The following PDE1C variants were observed in gnomAD, a reference collection of about 807,000 sequenced individuals.
PDE1C encodes the protein dual specificity calcium/calmodulin-dependent 3',5'-cyclic nucleotide phosphodiesterase 1C.
Under a neutral mutation model 93.1 loss-of-function variants are expected in PDE1C, and 62 were observed. That is an observed-to-expected ratio of 0.67 (90% CI 0.54 to 0.82). The LOEUF is 0.82. Among genes scored for constraint, PDE1C ranks in the 40% least tolerant of loss-of-function variants. The probability of loss-of-function intolerance (pLI) is 0.00; values close to 1 mark genes in which losing one functional copy is unlikely to be tolerated. For synonymous variants in PDE1C, 325 were observed against 310.1 expected (o/e 1.05, Z -0.50); for missense variants, 742 against 884.6 (o/e 0.84, Z 2.04).
intron 3 of PDE1C, among the ~76,000 whole-genome samples, chr7:32,162,283 T>TAGAC (rs1362259140): frequency 3.3e-5 from 5 of 151,994 alleles, no homozygotes; most frequent in Non-Finnish European, 7.4e-5. Flanking sequence ...AAATTAAATA[T>TAGAC]AGACAGACTG....
chr7:32,423,940 C>CAGAGGAAT (rs1368159857), intron 1 of PDE1C, among the ~76,000 whole-genome samples: 1 of 152,204 alleles, frequency 6.6e-6, no homozygotes, highest in Non-Finnish European at 1.5e-5. Flanking sequence ...TCTCTGCAAC[C>CAGAGGAAT]AGAGGAATTT....
intron 1 of PDE1C, among the ~76,000 whole-genome samples, chr7:32,052,686 G>C (rs1235149685): frequency 6.6e-6 from 1 of 152,136 alleles, no homozygotes; most frequent in East Asian, 1.9e-4. Context: ...AAACTAAAGA[G>C]GTTTCAAATT....
At chr7:32,062,056 T>C (rs920529336) in intron 1 of PDE1C, among the ~76,000 whole-genome samples, 1 of 151,998 alleles carries the variant, frequency 6.6e-6, no homozygotes, top group African/African-American at 2.4e-5. Context: ...TCCCCATATC[T>C]CCCCTCATAG....
chr7:32,302,531 T>C (rs1812904675), upstream of PDE1C, among the ~76,000 whole-genome samples: 1 of 152,116 alleles, frequency 6.6e-6, no homozygotes, highest in Admixed American at 6.5e-5. Flanking sequence ...TGACACAATA[T>C]AAAAAAGAAT....
At chr7:31,730,992 G>T in the PDE1C span, among the ~76,000 whole-genome samples, 1 of 152,052 alleles carries the variant, frequency 6.6e-6, no homozygotes, top group Admixed American at 6.5e-5. Flanking sequence ...GAGAGAAGGA[G>T]AGTCAAACTA....
At chr7:31,686,371 C>G in the PDE1C span, among the ~76,000 whole-genome samples, 58 of 152,302 alleles carry the variant, frequency 3.8e-4, no homozygotes, top group African/African-American at 1.3e-3. Context: ...CCTCTCCCAC[C>G]TTGCTTAAAC....
intron 3 of PDE1C, among the ~76,000 whole-genome samples, chr7:32,090,194 T>C (rs1411706369): frequency 6.6e-6 from 1 of 151,684 alleles, no homozygotes; most frequent in Non-Finnish European, 1.5e-5. Context: ...AAAAAAATAG[T>C]AAAATAACAA....
At chr7:32,385,814 A>G (rs115815175) in intron 1 of PDE1C, among the ~76,000 whole-genome samples, 60 of 152,278 alleles carry the variant, frequency 3.9e-4, no homozygotes, top group African/African-American at 1.4e-3. Context: ...ATGGGAAATA[A>G]GTAATACAGA....
At chr7:32,256,180 T>A (rs1242803070) in intron 1 of PDE1C, among the ~76,000 whole-genome samples, 2 of 152,162 alleles carry the variant, frequency 1.3e-5, no homozygotes, top group Non-Finnish European at 2.9e-5. Flanking sequence ...ACAAAAAAAA[T>A]TAATCCTCGG....
intron 1 of PDE1C, among the ~76,000 whole-genome samples, chr7:32,306,084 A>T (rs1210714400): frequency 6.6e-6 from 1 of 152,126 alleles, no homozygotes; most frequent in East Asian, 1.9e-4. Context: ...AACCCCTTTC[A>T]CTTGATCCTT....
intron 3 of PDE1C, among the ~76,000 whole-genome samples, chr7:32,091,991 C>G (rs1161898052): frequency 6.6e-6 from 1 of 152,146 alleles, no homozygotes; most frequent in Non-Finnish European, 1.5e-5. Context: ...GAAGAGTAGA[C>G]TTACAGATGA....
At chr7:31,674,641 T>C in the PDE1C span, among the ~76,000 whole-genome samples, 1 of 152,180 alleles carries the variant, frequency 6.6e-6, no homozygotes, top group Non-Finnish European at 1.5e-5. Context: ...ACTTTACTTA[T>C]AACAGAAAGA....
chr7:31,835,319 A>C (rs1049532246), intron 11 of PDE1C, among the ~76,000 whole-genome samples: 5 of 152,246 alleles, frequency 3.3e-5, no homozygotes, highest in African/African-American at 1.2e-4. Flanking sequence ...TATTAGAAAA[A>C]CAGCCTTTGG....
intron 1 of PDE1C, among the ~76,000 whole-genome samples, chr7:32,283,911 G>A (rs1223673990): frequency 6.6e-6 from 1 of 152,212 alleles, no homozygotes; most frequent in Non-Finnish European, 1.5e-5. Context: ...GTAGCGCTCA[G>A]ACTGACTGCG....
chr7:32,349,633 A>AT (rs567704676), intron 1 of PDE1C, among the ~76,000 whole-genome samples: 2,202 of 148,806 alleles, frequency 0.015, 53 homozygotes, highest in African/African-American at 0.049. Context: ...TAAAGTTGAA[A>AT]TTTTTTTTTT....
intron 2 of PDE1C, among the ~76,000 whole-genome samples, chr7:31,888,704 A>T (rs1029044274): frequency 6.6e-6 from 1 of 152,182 alleles, no homozygotes; most frequent in Non-Finnish European, 1.5e-5. Flanking sequence ...CAGAATAATG[A>T]TACAGAATTG....
intron 3 of PDE1C, among the ~76,000 whole-genome samples, chr7:32,167,601 T>C (rs1802381097): frequency 6.6e-6 from 1 of 152,066 alleles, no homozygotes; most frequent in African/African-American, 2.4e-5. Flanking sequence ...AGCCTGTCAA[T>C]AAGGCTGGGG....
chr7:31,983,885 G>A (rs1231690283), intron 2 of PDE1C, among the ~76,000 whole-genome samples: 5 of 152,110 alleles, frequency 3.3e-5, no homozygotes, highest in Non-Finnish European at 7.4e-5. Context: ...TTCTGAGCTC[G>A]GGCTGTTGAA....
At chr7:32,295,338 G>A (rs1301681771) in intron 1 of PDE1C, among the ~76,000 whole-genome samples, 1 of 152,204 alleles carries the variant, frequency 6.6e-6, no homozygotes, top group Non-Finnish European at 1.5e-5. Context: ...GGGCTGACGG[G>A]TCAGGGCAGA....
Sources: allele counts gnomAD v4.1 joint callset (sites outside exome capture counted in the v4.1 genomes callset), GRCh38; gene constraint gnomAD v4.1.1; transcripts MANE v1.5; gene names NCBI Gene and HGNC (gene_info 2026-07-23, HGNC 2026-07-21).